PRKCA: variants seen among roughly 807,000 people sequenced by gnomAD.
The protein encoded by PRKCA is protein kinase C alpha.
A neutral mutation model predicts 87.0 loss-of-function variants in PRKCA; 27 were observed. The ratio of observed to expected loss-of-function variants is 0.31; its 90% CI spans 0.23 to 0.43. The LOEUF is 0.43. Ranked by LOEUF, PRKCA falls within the 20% of genes least tolerant of loss-of-function variation. The probability of loss-of-function intolerance (pLI) is 1.00; values close to 1 mark genes in which losing one functional copy is unlikely to be tolerated. For missense variants in PRKCA, 518 were observed against 852.3 expected (o/e 0.61, Z 4.88); for synonymous variants, 329 against 311.1 (o/e 1.06, Z -0.61).
chr17:66,556,696 G>C (rs532625250), intron 3 of PRKCA, among the ~76,000 whole-genome samples: 1 of 152,278 alleles, frequency 6.6e-6, no homozygotes, highest in South Asian at 2.1e-4. Flanking sequence ...AGATCTGACA[G>C]TTTTATAAGG....
chr17:66,315,553 C>T (rs1263427286), intron 2 of PRKCA, among the ~76,000 whole-genome samples: 1 of 150,924 alleles, frequency 6.6e-6, no homozygotes, highest in Non-Finnish European at 1.5e-5. Flanking sequence ...GATCTCAACT[C>T]ACTGCAACCT....
Position 66,317,879 on chromosome 17 carries a change from T to A in PRKCA, c.205+11752T>A, listed in dbSNP as rs1330390515. Among the ~76,000 whole-genome samples the A allele has an allele frequency of 3.9e-5, 6 of 152,386 alleles. No individual in the cohort carries two copies. The East Asian group carries it at 7.7e-4, about 20-fold the overall frequency. On this transcript the variant is annotated intron_variant, in intron 2 of 16. Coordinates refer to ENST00000413366, the MANE Select transcript of PRKCA (RefSeq NM_002737.3). ...GTCCTAAAATGTGAAAATGGGAGAT[T>A]ACTCATTTTTTAAAAATGTAAAATA...
intron 2 of PRKCA, among the ~76,000 whole-genome samples, chr17:66,343,486 G>A (rs1346005439): frequency 6.6e-6 from 1 of 152,112 alleles, no homozygotes; most frequent in Non-Finnish European, 1.5e-5. Flanking sequence ...GTGAGTATGG[G>A]GTAGGGGAAG....
chr17:66,370,937 G>A (rs557494523), intron 2 of PRKCA, among the ~76,000 whole-genome samples: 1 of 152,278 alleles, frequency 6.6e-6, no homozygotes, highest in African/African-American at 2.4e-5. Context: ...ATACAGATAA[G>A]CTAGATGCAG....
chr17:66,571,240 T>C (rs1969070430), intron 3 of PRKCA, among the ~76,000 whole-genome samples: 1 of 152,238 alleles, frequency 6.6e-6, no homozygotes, highest in Non-Finnish European at 1.5e-5. Flanking sequence ...CTTGTGGCAT[T>C]GCGTGTACTT....
At chr17:66,486,920 G>C (rs995163665) in intron 2 of PRKCA, among the ~76,000 whole-genome samples, 1 of 152,038 alleles carries the variant, frequency 6.6e-6, no homozygotes, top group Non-Finnish European at 1.5e-5. Flanking sequence ...ACAGGTATCA[G>C]AATATCAGAT....
intron 3 of PRKCA, among the ~76,000 whole-genome samples, chr17:66,585,328 C>T (rs532472324): frequency 5.9e-5 from 9 of 152,150 alleles, no homozygotes; most frequent in Admixed American, 5.2e-4. Flanking sequence ...ATTTCCTATC[C>T]GCAGAGCTGC....
At position 66,807,316 on chromosome 17, in the gene PRKCA, G is replaced by A. The variant is rs906842441; in HGVS notation, c.*3279G>A. 2.6e-5 allele frequency: 4 copies of A among 152,224 alleles called. No homozygotes were observed. Among genetic ancestry groups the A allele is most frequent in the Admixed American group, 2.6e-4 (4 of 15,288 alleles). The allele number at this position is 152,224 out of a possible 1,614,324, so 9.4% of individuals were successfully genotyped here. ...TCTGCATTATCTTCCCTTGGAAGGT[G>A]GCCACTCCTCGGTGGCAGGGCCTTT... On this transcript the variant is annotated 3_prime_UTR_variant, in exon 17 of 17. Coordinates refer to ENST00000413366, the MANE Select transcript of PRKCA (RefSeq NM_002737.3). The surrounding 1 kb of genome is among the most constrained non-coding windows in gnomAD (Gnocchi z 4.3).
At chr17:66,532,458 C>T (rs765040887) in intron 3 of PRKCA, among the ~76,000 whole-genome samples, 1 of 151,802 alleles carries the variant, frequency 6.6e-6, no homozygotes, top group African/African-American at 2.4e-5. Flanking sequence ...TTCCGCCTCC[C>T]GGGTTTGAGC....
At chr17:66,799,028 G>GTGA (rs1975788731) in intron 16 of PRKCA, among the ~76,000 whole-genome samples, 1 of 124,146 alleles carries the variant, frequency 8.1e-6, no homozygotes, top group Admixed American at 8.5e-5. Context: ...GGTGGTGGTG[G>GTGA]TGGTGGTGGT....
In PRKCA at chr17:66,733,572, A is replaced by G. The variant is rs139821900; in HGVS notation, c.1056+747A>G. On this transcript the variant is annotated intron_variant, in intron 9 of 16. Coordinates refer to ENST00000413366, the MANE Select transcript of PRKCA (RefSeq NM_002737.3). ...TTTGGGAGGCCAAGGCAGGTGGACCACTTGAGGTCAGGAGTTTGAGACCAG... is the reference window on the plus strand; with the variant it reads ...TTTGGGAGGCCAAGGCAGGTGGACCGCTTGAGGTCAGGAGTTTGAGACCAG... 2.6e-3 allele frequency among the ~76,000 whole-genome samples: 402 copies of G among 152,334 alleles called. 2 individuals carry two copies. The highest frequency in any genetic ancestry group is 9.1e-3 in the African/African-American group (379 of 41,578).
At chr17:66,310,307 C>T (rs925985969) in intron 2 of PRKCA, among the ~76,000 whole-genome samples, 6 of 151,656 alleles carry the variant, frequency 4.0e-5, no homozygotes, top group Admixed American at 1.3e-4. Context: ...CAAGAGACAG[C>T]GTGAGAATTA....
At position 66,810,513 on chromosome 17, in the gene PRKCA, CG is replaced by C. The variant is rs1375506476; in HGVS notation, c.*6478del. 1 of 152,092 alleles carries C rather than the reference CG, an allele frequency of 6.6e-6. No homozygotes were observed. Among genetic ancestry groups the C allele is most frequent in the Non-Finnish European group, 1.5e-5 (1 of 68,020 alleles). The allele number at this position is 152,092 out of a possible 1,614,324, so 9.4% of individuals were successfully genotyped here. On this transcript the variant is annotated 3_prime_UTR_variant, in exon 17 of 17. Transcript: ENST00000413366. ...CCCCAACTTTGTTTGGAGGAAGAGA[CG>C]GAGGTTGAGGTTTTTCCTTCTGTAT...
At chr17:66,596,455 C>T (rs1969980180) in intron 3 of PRKCA, among the ~76,000 whole-genome samples, 1 of 151,992 alleles carries the variant, frequency 6.6e-6, no homozygotes. Flanking sequence ...ACACCCTCCA[C>T]ATCCCCATCC....
chr17:66,774,612 C>G, intron 14 of PRKCA: 1 of 986,264 alleles, frequency 1.0e-6, no homozygotes, highest in East Asian at 1.1e-4. Flanking sequence ...CAGAGTGAGA[C>G]GGTCTCAAAA....
At position 66,803,001 on chromosome 17, in the gene PRKCA, T is replaced by C. The variant is rs1975934297; in HGVS notation, c.1855-872T>C. Among the ~76,000 whole-genome samples the C allele has an allele frequency of 6.6e-6, 1 of 152,134 alleles. No homozygotes were observed. Among genetic ancestry groups the C allele is most frequent in the Non-Finnish European group, 1.5e-5 (1 of 68,032 alleles). ...GGGGACTTCAACACGCCACTACCCT[T>C]GTGGGTGGCTGACAAGGTGAAGAGA... On this transcript the variant is annotated intron_variant, in intron 16 of 16. Transcript: ENST00000413366. The surrounding 1 kb of genome is among the most constrained non-coding windows in gnomAD (Gnocchi z 4.4).
chr17:66,549,155 T>TG (rs1361288879), intron 3 of PRKCA, among the ~76,000 whole-genome samples: 1 of 151,812 alleles, frequency 6.6e-6, no homozygotes, highest in Non-Finnish European at 1.5e-5. Flanking sequence ...TTTTTTTTTT[T>TG]TTTTACAATA....
intron 5 of PRKCA, among the ~76,000 whole-genome samples, chr17:66,671,868 C>T (rs1173342250): frequency 1.3e-5 from 2 of 152,048 alleles, no homozygotes; most frequent in Non-Finnish European, 2.9e-5. Context: ...GAAAACAGAG[C>T]GAACATTAAC....
chr17:66,566,207 C>T (rs1397853203), intron 3 of PRKCA, among the ~76,000 whole-genome samples: 4 of 152,148 alleles, frequency 2.6e-5, no homozygotes, highest in Admixed American at 6.5e-5. Context: ...GCTGATGATA[C>T]CTGGATTCCT....
Sources: gnomAD v4.1 joint callset for allele counts (sites outside exome capture counted in the v4.1 genomes callset) on GRCh38, gnomAD v4.1.1 for gene constraint, Gnocchi (gnomAD v3.1) non-coding constraint, MANE v1.5 for transcripts, NCBI Gene and HGNC (gene_info 2026-07-23, HGNC 2026-07-21) for gene names.